Variants in DCAF8L2 observed in about 807,000 individuals in gnomAD.
DCAF8L2 encodes the protein DDB1- and CUL4-associated factor 8-like protein 2.
For missense variants in DCAF8L2, 430 were observed against 490.7 expected (o/e 0.88, Z 1.17); for synonymous variants, 200 against 190.9 (o/e 1.05, Z -0.39).
At position 27,716,884 on chromosome X, in the gene DCAF8L2, C is replaced by T. The variant is rs188179052; in HGVS notation, c.-59+713C>T. 1.6e-4 allele frequency among the ~76,000 whole-genome samples: 18 copies of T among 111,220 alleles called. No individual in the cohort carries two copies. The East Asian group carries it at 2.9e-3, about 18-fold the overall frequency. On this transcript the variant is annotated intron_variant, in intron 4 of 4. Transcript: ENST00000451261. ...GCCATCCTTTCTAATACTCTCTCCC[C>T]GCACCCCACCCCCGACAGGCTGCAG... is the stretch of plus-strand genomic sequence containing the variant.
intron 2 of DCAF8L2, among the ~76,000 whole-genome samples, chrX:27,661,840 C>T (rs930962380): frequency 2.7e-5 from 3 of 111,306 alleles, no homozygotes; most frequent in Non-Finnish European, 5.7e-5. Context: ...CATGCTGTGG[C>T]AAGAGAGTCA....
the DCAF8L2 span, among the ~76,000 whole-genome samples, chrX:27,578,894 C>CAA: frequency 6.6e-4 from 60 of 91,041 alleles, no homozygotes; most frequent in African/African-American, 1.7e-3. Flanking sequence ...ATTAAAATGT[C>CAA]AAAAAAAAAA....
the DCAF8L2 span, among the ~76,000 whole-genome samples, chrX:27,541,448 C>A: frequency 9.3e-6 from 1 of 107,630 alleles, no homozygotes; most frequent in Admixed American, 1.0e-4. Context: ...CAGCTCACGG[C>A]AACCTCCACC....
At chrX:27,678,852 T>C (rs188856658) in intron 3 of DCAF8L2, among the ~76,000 whole-genome samples, 195 of 112,041 alleles carry the variant, frequency 1.7e-3, no homozygotes, top group African/African-American at 6.0e-3. Flanking sequence ...ATATGTATTT[T>C]TCCATAATGA....
chrX:27,565,515 C>T, the DCAF8L2 span, among the ~76,000 whole-genome samples: 3 of 111,642 alleles, frequency 2.7e-5, no homozygotes, highest in Non-Finnish European at 5.6e-5. Context: ...CTGTAGTTTT[C>T]TTGTAGTGTC....
chrX:27,567,907 T>G, the DCAF8L2 span, among the ~76,000 whole-genome samples: 4 of 110,845 alleles, frequency 3.6e-5, no homozygotes, highest in African/African-American at 1.3e-4. Flanking sequence ...TTAAAATACT[T>G]TGAGTTGATT....
At chrX:27,586,077 T>C (rs1459744544), upstream of DCAF8L2, among the ~76,000 whole-genome samples, 1 of 110,925 alleles carries the variant, frequency 9.0e-6, no homozygotes. Context: ...CCACAGGCCT[T>C]TGCATGTGCT....
chrX:27,742,371 C>A (rs1265303847), intron 4 of DCAF8L2, among the ~76,000 whole-genome samples: 2 of 110,497 alleles, frequency 1.8e-5, no homozygotes, highest in Non-Finnish European at 3.8e-5. Context: ...GAGTTTGAGA[C>A]CAGCCTGGCC....
At chrX:27,691,097 A>G (rs1173585779) in intron 3 of DCAF8L2, among the ~76,000 whole-genome samples, 2 of 111,931 alleles carry the variant, frequency 1.8e-5, no homozygotes, top group Non-Finnish European at 3.8e-5. Context: ...TTATCGTTCT[A>G]TCAGAATGAC....
chrX:27,562,718 A>G, the DCAF8L2 span, among the ~76,000 whole-genome samples: 1 of 112,045 alleles, frequency 8.9e-6, no homozygotes, highest in Non-Finnish European at 1.9e-5. Context: ...CAAAATGGTC[A>G]GGCCTTTATG....
chrX:27,512,165 A>G, the DCAF8L2 span, among the ~76,000 whole-genome samples: 2 of 110,800 alleles, frequency 1.8e-5, no homozygotes, highest in African/African-American at 6.6e-5. Context: ...CAACTGCTCA[A>G]GAGGCTGAGG....
chrX:27,619,043 CTATCTTA>C (rs1421013352), intron 1 of DCAF8L2, among the ~76,000 whole-genome samples: 1 of 109,334 alleles, frequency 9.1e-6, no homozygotes, highest in African/African-American at 3.3e-5. Flanking sequence ...ATCTATCTAT[CTATCTTA>C]TATCTATCTA....
At chrX:27,637,294 A>G (rs989475867) in intron 2 of DCAF8L2, among the ~76,000 whole-genome samples, 15 of 112,036 alleles carry the variant, frequency 1.3e-4, no homozygotes, top group African/African-American at 4.5e-4. Context: ...AATTTTCTCC[A>G]TTGTGGCATC....
chrX:27,721,929 CA>C (rs1412574919), intron 4 of DCAF8L2, among the ~76,000 whole-genome samples: 1 of 111,703 alleles, frequency 9.0e-6, no homozygotes, highest in Non-Finnish European at 1.9e-5. Flanking sequence ...CAGATGGTTT[CA>C]CATGAAATCC....
At chrX:27,742,596 CA>C (rs761506755) in intron 4 of DCAF8L2, among the ~76,000 whole-genome samples, 122 of 93,170 alleles carry the variant, frequency 1.3e-3, no homozygotes, top group East Asian at 2.1e-3. Context: ...CAAAAACAAA[CA>C]AAAAAAAAAA....
intron 3 of DCAF8L2, among the ~76,000 whole-genome samples, chrX:27,686,872 A>T (rs1325561803): frequency 1.8e-5 from 2 of 112,396 alleles, no homozygotes; most frequent in Non-Finnish European, 3.8e-5. Flanking sequence ...TCCATCTCTG[A>T]TCATCAAGCA....
chrX:27,523,609 T>TTA, the DCAF8L2 span, among the ~76,000 whole-genome samples: 1 of 110,803 alleles, frequency 9.0e-6, no homozygotes, highest in Admixed American at 9.6e-5. Context: ...TGGTTAAATG[T>TTA]TATAGTGCTT....
chrX:27,598,365 C>G (rs113867686), intron 1 of DCAF8L2, among the ~76,000 whole-genome samples: 5 of 112,384 alleles, frequency 4.4e-5, no homozygotes, highest in African/African-American at 1.6e-4. Context: ...CCCAACCCCC[C>G]CGAGGGGATG....
intron 4 of DCAF8L2, among the ~76,000 whole-genome samples, chrX:27,731,254 T>A (rs1921183277): frequency 9.2e-6 from 1 of 108,200 alleles, no homozygotes; most frequent in Admixed American, 9.9e-5. Flanking sequence ...AAAAAAAAAA[T>A]ACAAAAATTA....
Sources: gnomAD v4.1 joint callset for allele counts (sites outside exome capture counted in the v4.1 genomes callset) on GRCh38, gnomAD v4.1.1 for gene constraint, MANE v1.5 for transcripts, NCBI Gene and HGNC (gene_info 2026-07-23, HGNC 2026-07-21) for gene names.